The following VPS37A variants were observed in gnomAD, a reference collection of about 807,000 sequenced individuals.
The protein encoded by VPS37A is vacuolar protein sorting-associated protein 37A.
A neutral mutation model predicts 49.8 loss-of-function variants in VPS37A; 30 were observed. The ratio of observed to expected loss-of-function variants is 0.60; its 90% CI spans 0.45 to 0.82. The LOEUF is 0.82. Among genes scored for constraint, VPS37A ranks in the 40% least tolerant of loss-of-function variants. The pLI is 0.00. For synonymous variants in VPS37A, 195 were observed against 160.6 expected (o/e 1.21, Z -1.62); for missense variants, 593 against 464.4 (o/e 1.28, Z -2.55).
chr8:17,290,957 G>A (rs901842253), intron 11 of VPS37A, among the ~76,000 whole-genome samples: 1 of 152,150 alleles, frequency 6.6e-6, no homozygotes, highest in Non-Finnish European at 1.5e-5. Context: ...GTGTAAAGGT[G>A]TTTATAGTAT....
intron 1 of VPS37A, among the ~76,000 whole-genome samples, chr8:17,255,551 T>C (rs1383823377): frequency 6.6e-6 from 1 of 152,124 alleles, no homozygotes; most frequent in Non-Finnish European, 1.5e-5. Flanking sequence ...AAGTGATAAA[T>C]TATTGTTTAT....
At position 17,268,259 on chromosome 8, in the gene VPS37A, T is replaced by C. The variant is rs11555738; in HGVS notation, c.202T>C (p.Leu68=). The C allele has an allele frequency of 0.17, 272,538 of 1,608,324 alleles. 32,376 individuals carry two copies. The highest frequency in any genetic ancestry group is 0.61 in the East Asian group (27,261 of 44,688). ...TTTCATCTGTTCTACCTCTACCAGA[T>C]TGCTTCCTCCACAGTTTCCTCAGGA... is the stretch of plus-strand genomic sequence containing the variant. ...INNLTININI[L]LPPQFPQEKP... The change falls in exon 3 of 12, where the codon TTG becomes CTG. Residue 68 remains leucine, a splice_region_variant and synonymous_variant. Coordinates refer to ENST00000324849, the MANE Select transcript of VPS37A (RefSeq NM_152415.3).
intron 1 of VPS37A, among the ~76,000 whole-genome samples, chr8:17,254,451 C>G (rs192997102): frequency 1.3e-5 from 2 of 152,200 alleles, no homozygotes; most frequent in Non-Finnish European, 2.9e-5. Context: ...TGCTGCTCCA[C>G]GAATGTCACC....
the VPS37A span, among the ~76,000 whole-genome samples, chr8:17,329,732 A>G: frequency 6.6e-6 from 1 of 152,238 alleles, no homozygotes; most frequent in Non-Finnish European, 1.5e-5. Flanking sequence ...CAAGGAGTCC[A>G]ATTTTTCAAC....
the VPS37A span, among the ~76,000 whole-genome samples, chr8:17,314,189 C>T: frequency 1.3e-5 from 2 of 152,110 alleles, no homozygotes; most frequent in South Asian, 2.1e-4. Context: ...ATCACAAATA[C>T]GGCAATCCAA....
intron 9 of VPS37A, among the ~76,000 whole-genome samples, chr8:17,282,177 G>A (rs941428021): frequency 6.6e-6 from 1 of 151,972 alleles, no homozygotes; most frequent in African/African-American, 2.4e-5. Context: ...CAGTATAGTA[G>A]TTTTATAGGA....
chr8:17,268,138 G>A lies in VPS37A; in HGVS notation c.201-120G>A, dbSNP rs7814286. 128,289 of 624,646 alleles carry A rather than the reference G, an allele frequency of 0.21. 18,558 individuals carry two copies. The highest frequency in any genetic ancestry group is 0.61 in the East Asian group (22,424 of 36,932). 38.7% of individuals were successfully genotyped at this position (624,646 alleles called of 1,614,324 possible). ...CATAATAGAGCACTTATTACTAAATGACCCATATCAAAGTGTGAAAATTTA... is the reference window on the plus strand; with the variant it reads ...CATAATAGAGCACTTATTACTAAATAACCCATATCAAAGTGTGAAAATTTA... On this transcript the variant is annotated intron_variant, in intron 2 of 11. Coordinates refer to ENST00000324849, the MANE Select transcript of VPS37A (RefSeq NM_152415.3).
rs780423147 is a variant in VPS37A, at chr8:17,276,448, C to G, written c.694C>G (p.Pro232Ala). Residue 232 changes from proline to alanine, a missense_variant, in exon 6 of 12, where the codon CCA becomes GCA. Coordinates refer to ENST00000324849, the MANE Select transcript of VPS37A (RefSeq NM_152415.3). ...GATGCCAGATGTCCCTGATGCATTT[C>G]CAGAACTCTCAGAACTAAGGTAAAC... ...YKMPDVPDAFPELSELSVSQL... is the reference protein window; with the variant it reads ...YKMPDVPDAFAELSELSVSQL... The G allele has an allele frequency of 1.2e-6, 2 of 1,611,710 alleles. No individual in the cohort carries two copies. The highest frequency in any genetic ancestry group is 1.3e-5 in the African/African-American group (1 of 74,796).
intron 1 of VPS37A, among the ~76,000 whole-genome samples, chr8:17,248,844 G>C (rs1345676217): frequency 6.6e-6 from 1 of 152,150 alleles, no homozygotes; most frequent in Admixed American, 6.5e-5. Context: ...ATGGCAGGCT[G>C]TTATTGGTGG....
chr8:17,284,445 T>G, intron 9 of VPS37A, 28 bp from the exon 10 acceptor site: 9 of 1,549,288 alleles, frequency 5.8e-6, no homozygotes, highest in Non-Finnish European at 7.8e-6. Context: ...TATCATAAAT[T>G]AAAGTAGTGC....
intron 11 of VPS37A, among the ~76,000 whole-genome samples, chr8:17,290,308 G>T (rs1009592325): frequency 7.9e-5 from 12 of 152,124 alleles, no homozygotes; most frequent in Admixed American, 2.6e-4. Flanking sequence ...TATGACATTG[G>T]CTGTGGGTTT....
At position 17,297,035 on chromosome 8, in the gene VPS37A, T is replaced by C. The variant is rs924526970; in HGVS notation, c.*2049T>C. 4.6e-5 allele frequency: 7 copies of C among 152,198 alleles called. No homozygotes were observed. Among genetic ancestry groups the C allele is most frequent in the African/African-American group, 1.7e-4 (7 of 41,452 alleles). The allele number at this position is 152,198 out of a possible 1,614,324, so 9.4% of individuals were successfully genotyped here. A position where few individuals can be genotyped will look rare whatever the true frequency, so the allele number is the denominator to read the frequency against. On this transcript the variant is annotated 3_prime_UTR_variant, in exon 12 of 12. Coordinates refer to ENST00000324849, the MANE Select transcript of VPS37A (RefSeq NM_152415.3). Reference sequence around the variant, plus strand: ...TTCTGTTTTTGCAACAGAGATTAAGTGACCATTTTTTCTAATTTTATGGCT... The same window carrying C: ...TTCTGTTTTTGCAACAGAGATTAAGCGACCATTTTTTCTAATTTTATGGCT...
At chr8:17,282,615 G>C (rs924584895) in intron 9 of VPS37A, among the ~76,000 whole-genome samples, 1 of 151,948 alleles carries the variant, frequency 6.6e-6, no homozygotes. Context: ...TATTGGAAAA[G>C]GAAACAACAG....
chr8:17,285,083 A>G (rs539859419), intron 10 of VPS37A, among the ~76,000 whole-genome samples: 1 of 152,226 alleles, frequency 6.6e-6, no homozygotes, highest in Admixed American at 6.5e-5. Flanking sequence ...GCATAGTATC[A>G]AATTACTTTA....
chr8:17,331,361 T>C, the VPS37A span: 1 of 1,418,964 alleles, frequency 7.0e-7, no homozygotes, highest in Non-Finnish European at 9.4e-7. Flanking sequence ...ATTTCATGGA[T>C]ACCCAATCAA....
chr8:17,274,354 A>C (rs1217000196), intron 4 of VPS37A, among the ~76,000 whole-genome samples: 1 of 152,232 alleles, frequency 6.6e-6, no homozygotes, highest in East Asian at 1.9e-4. Context: ...CCTCTACTTG[A>C]ATAAATGTCC....
chr8:17,266,265 G>A, intron 2 of VPS37A, among the ~76,000 whole-genome samples: 1 of 152,098 alleles, frequency 6.6e-6, no homozygotes. Context: ...CAGGAGGTAT[G>A]CTGAAAAATG....
chr8:17,300,127 T>C, downstream of VPS37A: 1 of 1,614,158 alleles, frequency 6.2e-7, no homozygotes, highest in Non-Finnish European at 8.5e-7. Context: ...GGCTATGCTG[T>C]TGTCTGAGGT....
chr8:17,300,271 T>C (rs540321185), downstream of VPS37A: 4 of 1,548,634 alleles, frequency 2.6e-6, no homozygotes, highest in South Asian at 1.2e-5. Context: ...AAATAACTTA[T>C]CTTTTTCTAT....
Sources: allele counts gnomAD v4.1 joint callset (sites outside exome capture counted in the v4.1 genomes callset), GRCh38; gene constraint gnomAD v4.1.1; transcripts MANE v1.5; gene names NCBI Gene and HGNC (gene_info 2026-07-23, HGNC 2026-07-21).